SGCZ: variants seen among roughly 807,000 people sequenced by gnomAD.
SGCZ encodes the protein sarcoglycan zeta.
SGCZ carries 40 observed loss-of-function variants against 41.3 expected under a neutral mutation model. The observed-to-expected ratio is 0.97, with a 90% CI of 0.75 to 1.26. The LOEUF (loss-of-function observed/expected upper bound fraction) is 1.26, where lower values mean the gene tolerates loss of function less well. Ranked by LOEUF, SGCZ falls within the 50% of genes most tolerant of loss-of-function variation. The probability of loss-of-function intolerance (pLI) is 0.00; values close to 1 mark genes in which losing one functional copy is unlikely to be tolerated. For missense variants in SGCZ, 552 were observed against 369.8 expected (o/e 1.49, Z -4.04); for synonymous variants, 206 against 137.5 (o/e 1.50, Z -3.49).
In SGCZ at chr8:15,008,973, T is replaced by A. The variant is rs1239891069; in HGVS notation, c.39+228612A>T. Among the ~76,000 whole-genome samples, 3 of 152,222 alleles carry A rather than the reference T, an allele frequency of 2.0e-5. No individual in the cohort carries two copies. The South Asian group carries it at 6.2e-4, about 32-fold the overall frequency. On this transcript the variant is annotated intron_variant, in intron 1 of 7. Transcript: ENST00000382080. ...CACATGCACACACAAGTGCACACAATACTAGGTTATAAAACATTATCTCCT... is the reference window on the plus strand; with the variant it reads ...CACATGCACACACAAGTGCACACAAAACTAGGTTATAAAACATTATCTCCT...
intron 1 of SGCZ, among the ~76,000 whole-genome samples, chr8:14,968,211 G>C (rs919902932): frequency 8.5e-5 from 13 of 152,174 alleles, no homozygotes; most frequent in African/African-American, 3.1e-4. Context: ...CAAGCAATTT[G>C]TGGTATCTCA....
intron 3 of SGCZ, among the ~76,000 whole-genome samples, chr8:14,284,597 T>C (rs1800561205): frequency 6.6e-6 from 1 of 152,228 alleles, no homozygotes; most frequent in African/African-American, 2.4e-5. Flanking sequence ...TTTAATTCAA[T>C]TTACATTTAA....
chr8:14,958,345 T>C (rs897285692), intron 1 of SGCZ, among the ~76,000 whole-genome samples: 4 of 152,026 alleles, frequency 2.6e-5, no homozygotes, highest in Admixed American at 6.6e-5. Context: ...ACAAATGAAA[T>C]GTTGGTCAAT....
Position 15,092,750 on chromosome 8 carries a change from T to A in SGCZ, c.39+144835A>T, listed in dbSNP as rs117524094. 3.5e-3 allele frequency among the ~76,000 whole-genome samples: 528 copies of A among 152,328 alleles called. 5 individuals are homozygous for A. The highest frequency in any genetic ancestry group is 5.2e-3 in the East Asian group (27 of 5,192). On this transcript the variant is annotated intron_variant, in intron 1 of 7. Coordinates refer to ENST00000382080, the MANE Select transcript of SGCZ (RefSeq NM_139167.4). ...CAATCTTATTTTAATATCTCTCTATTACACATTGATCAAACCCTGTAAAAT... is the reference window on the plus strand; with the variant it reads ...CAATCTTATTTTAATATCTCTCTATAACACATTGATCAAACCCTGTAAAAT...
chr8:15,015,861 T>C (rs1306717707), intron 1 of SGCZ, among the ~76,000 whole-genome samples: 2 of 151,836 alleles, frequency 1.3e-5, no homozygotes, highest in South Asian at 2.1e-4. Context: ...TTGCAACTTA[T>C]TGATTGCCTT....
intron 1 of SGCZ, chr8:14,853,582 TA>T (rs1429972709): frequency 1.3e-3 from 561 of 446,824 alleles, no homozygotes; most frequent in South Asian, 1.7e-3. Flanking sequence ...CATTGCAGGT[TA>T]AAAAAAAATT....
intron 1 of SGCZ, among the ~76,000 whole-genome samples, chr8:15,107,346 T>C (rs1806869515): frequency 1.3e-5 from 2 of 152,190 alleles, no homozygotes; most frequent in East Asian, 1.9e-4. Context: ...TATTGGGAAG[T>C]AGGGCCTAGT....
chr8:14,364,866 G>C (rs1371063853), intron 2 of SGCZ, among the ~76,000 whole-genome samples: 4 of 152,140 alleles, frequency 2.6e-5, no homozygotes, highest in African/African-American at 9.6e-5. Context: ...ATATAGTCAA[G>C]TCTAACACAT....
intron 1 of SGCZ, among the ~76,000 whole-genome samples, chr8:15,237,297 C>T (rs1056189136): frequency 1.3e-5 from 2 of 152,152 alleles, no homozygotes; most frequent in Non-Finnish European, 2.9e-5. Flanking sequence ...GGGTCTGCAC[C>T]CCAAATGCTG....
intron 3 of SGCZ, among the ~76,000 whole-genome samples, chr8:14,315,029 A>C (rs1008151467): frequency 2.0e-5 from 3 of 152,130 alleles, no homozygotes; most frequent in Non-Finnish European, 2.9e-5. Flanking sequence ...TTTGCTACGG[A>C]TTAATTAAAA....
intron 1 of SGCZ, among the ~76,000 whole-genome samples, chr8:14,917,686 G>A (rs1475630527): frequency 6.6e-6 from 1 of 151,742 alleles, no homozygotes; most frequent in Admixed American, 6.6e-5. Context: ...AAGTTTTCAG[G>A]CCACTCATAA....
intron 1 of SGCZ, among the ~76,000 whole-genome samples, chr8:14,962,636 CTAAG>C (rs959661439): frequency 3.9e-5 from 6 of 152,038 alleles, no homozygotes; most frequent in African/African-American, 1.2e-4. Context: ...GAGATAGTAA[CTAAG>C]TAAGGAAAGT....
intron 5 of SGCZ, among the ~76,000 whole-genome samples, chr8:14,137,715 A>T (rs1159095954): frequency 6.6e-6 from 1 of 152,156 alleles, no homozygotes. Context: ...TGGTGTACCT[A>T]AAAGTGATGG....
chr8:14,106,602 A>G (rs537824581), intron 6 of SGCZ, among the ~76,000 whole-genome samples: 61 of 152,240 alleles, frequency 4.0e-4, no homozygotes, highest in Non-Finnish European at 5.6e-4. Context: ...TGCCTTAAAG[A>G]TTTTCAACTT....
chr8:14,851,089 G>A (rs1425929918), intron 1 of SGCZ, among the ~76,000 whole-genome samples: 2 of 152,142 alleles, frequency 1.3e-5, no homozygotes, highest in South Asian at 2.1e-4. Context: ...TGTATTCAAG[G>A]CTGGGCGCAG....
intron 1 of SGCZ, among the ~76,000 whole-genome samples, chr8:14,864,992 C>G (rs1460981028): frequency 1.3e-5 from 2 of 151,652 alleles, no homozygotes; most frequent in Non-Finnish European, 1.5e-5. Flanking sequence ...AATTTTTAGC[C>G]CATTATTATT....
intron 2 of SGCZ, among the ~76,000 whole-genome samples, chr8:14,332,351 G>A (rs1338007286): frequency 1.3e-5 from 2 of 152,150 alleles, no homozygotes; most frequent in East Asian, 3.9e-4. Flanking sequence ...TGGGGCAGGA[G>A]AATGGTGTGA....
chr8:14,970,602 CG>C (rs1801259634), intron 1 of SGCZ, among the ~76,000 whole-genome samples: 1 of 152,070 alleles, frequency 6.6e-6, no homozygotes. Flanking sequence ...TGCTGAAAAT[CG>C]GTTGTTCACA....
chr8:14,806,876 A>T (rs543263316), intron 1 of SGCZ, among the ~76,000 whole-genome samples: 1 of 151,236 alleles, frequency 6.6e-6, no homozygotes, highest in East Asian at 2.0e-4. Context: ...CAAAAAGCTT[A>T]TCCACCATGA....
Sources: allele counts gnomAD v4.1 joint callset (sites outside exome capture counted in the v4.1 genomes callset), GRCh38; gene constraint gnomAD v4.1.1; transcripts MANE v1.5; gene names NCBI Gene and HGNC (gene_info 2026-07-23, HGNC 2026-07-21).